The following MSH3 variants were observed in gnomAD, a reference collection of about 807,000 sequenced individuals.
The protein encoded by MSH3 is mutS homolog 3, also known as DNA mismatch repair protein Msh3.
MSH3 carries 106 observed loss-of-function variants against 123.3 expected under a neutral mutation model. That is an observed-to-expected ratio of 0.86 (90% CI 0.73 to 1.01). The LOEUF is 1.01. MSH3 is among the 50% of genes least tolerant of loss of function. The pLI is 0.00. For synonymous variants in MSH3, 515 were observed against 481.4 expected, an observed-to-expected ratio of 1.07 and a Z score of -0.91; for missense variants, 1,459 against 1,347.6, an observed-to-expected ratio of 1.08 and a Z score of -1.29.
chr5:80,715,798 C>CA (rs1259697421), intron 8 of MSH3, among the ~76,000 whole-genome samples: 1 of 152,072 alleles, frequency 6.6e-6, no homozygotes, highest in African/African-American at 2.4e-5. Context: ...AGAACTCACT[C>CA]ACTATCACAA....
chr5:80,786,782 G>T (rs540880551), intron 17 of MSH3, among the ~76,000 whole-genome samples: 1 of 152,014 alleles, frequency 6.6e-6, no homozygotes, highest in Non-Finnish European at 1.5e-5. Flanking sequence ...TATGATATGA[G>T]ATAATGGGAT....
rs1345998957 is a variant in MSH3, at chr5:80,851,887, G to GT, written c.2814-2237dup. On this transcript the variant is annotated intron_variant, in intron 20 of 23. Coordinates refer to ENST00000265081, the MANE Select transcript of MSH3 (RefSeq NM_002439.5). Reference sequence around the variant, plus strand: ...ATCTCACCTCTGTCATATACAAAATGTTTTTTATAAATATGTGTGTGTATC... The same window carrying GT: ...ATCTCACCTCTGTCATATACAAAATGTTTTTTTATAAATATGTGTGTGTATC... Among the ~76,000 whole-genome samples, 37 of 152,228 alleles carry GT rather than the reference G, an allele frequency of 2.4e-4. No individual in the cohort carries two copies. In the East Asian group the frequency reaches 3.9e-3, roughly 16 times the overall value.
At position 80,675,540 on chromosome 5, in the gene MSH3, A is replaced by G. The variant is rs556039655; in HGVS notation, c.1173+412A>G. On this transcript the variant is annotated intron_variant, in intron 7 of 23. Coordinates refer to ENST00000265081, the MANE Select transcript of MSH3 (RefSeq NM_002439.5). Reference sequence around the variant, plus strand: ...GAGAGTGAAGGGGGAAGTGCTACACACTTTTAAACAACCAGATATTGTGAG... The same window carrying G: ...GAGAGTGAAGGGGGAAGTGCTACACGCTTTTAAACAACCAGATATTGTGAG... 8.5e-5 allele frequency among the ~76,000 whole-genome samples: 13 copies of G among 152,274 alleles called. No individual in the cohort carries two copies. The East Asian group carries it at 2.5e-3, about 29-fold the overall frequency.
chr5:80,864,056 A>G (rs760419470), intron 21 of MSH3, among the ~76,000 whole-genome samples: 4 of 152,212 alleles, frequency 2.6e-5, no homozygotes, highest in Non-Finnish European at 5.9e-5. Context: ...TGGCAAGGAA[A>G]TATACTCCTT....
intron 10 of MSH3, among the ~76,000 whole-genome samples, chr5:80,732,709 A>T (rs1231377633): frequency 1.3e-5 from 2 of 152,178 alleles, no homozygotes; most frequent in Non-Finnish European, 2.9e-5. Flanking sequence ...TATTGGATTT[A>T]TTTCGGGTAT....
chr5:80,741,436 A>T, intron 10 of MSH3, 28 bp from the exon 11 acceptor site: 1 of 1,399,324 alleles, frequency 7.1e-7, no homozygotes, highest in Non-Finnish European at 1.0e-6. Context: ...ACTTACATCT[A>T]GGCTAATTAT....
At chr5:80,711,163 G>A (rs3776969) in intron 8 of MSH3, among the ~76,000 whole-genome samples, 18,086 of 152,196 alleles carry the variant, frequency 0.12, 1,517 homozygotes, top group East Asian at 0.33. Flanking sequence ...AATACCTCCT[G>A]TCTCTCTTAG....
At chr5:80,738,839 G>A (rs1341775861) in intron 10 of MSH3, among the ~76,000 whole-genome samples, 2 of 152,160 alleles carry the variant, frequency 1.3e-5, no homozygotes, top group Non-Finnish European at 2.9e-5. Flanking sequence ...AAGTGATTAG[G>A]TTATGAGGGC....
At chr5:80,720,090 T>C (rs1008916067) in intron 8 of MSH3, among the ~76,000 whole-genome samples, 2 of 152,242 alleles carry the variant, frequency 1.3e-5, no homozygotes, top group Non-Finnish European at 2.9e-5. Flanking sequence ...AATTCCTGGC[T>C]TACAGTTTAT....
At chr5:80,847,625 A>T (rs1013197959) in intron 20 of MSH3, among the ~76,000 whole-genome samples, 1 of 152,072 alleles carries the variant, frequency 6.6e-6, no homozygotes, top group Non-Finnish European at 1.5e-5. Context: ...GGCATTTAGA[A>T]TTTTTTAATC....
chr5:80,711,868 C>T (rs1056446934), intron 8 of MSH3, among the ~76,000 whole-genome samples: 12 of 151,916 alleles, frequency 7.9e-5, no homozygotes, highest in African/African-American at 1.7e-4. Flanking sequence ...GGGCCAGGCT[C>T]GTGTTGAACT....
intron 8 of MSH3, among the ~76,000 whole-genome samples, chr5:80,691,661 T>A (rs1750256233): frequency 6.7e-6 from 1 of 150,322 alleles, no homozygotes; most frequent in South Asian, 2.1e-4. Flanking sequence ...AAAAGATAGA[T>A]CAAAGGGCCA....
At position 80,806,168 on chromosome 5, in the gene MSH3, G is replaced by A. The variant is rs576297173; in HGVS notation, c.2656-7416G>A. On this transcript the variant is annotated intron_variant, in intron 19 of 23. Transcript: ENST00000265081. The stretch of plus-strand genomic sequence containing the variant: ...GGCTGGAGTGCAATGGCGCGATCTC[G>A]GCTCACAGCAACCTCCGCCTCCCAG... Among the ~76,000 whole-genome samples the A allele has an allele frequency of 8.9e-4, 135 of 152,096 alleles. 1 individual carries two copies. In the South Asian group the frequency reaches 0.016, roughly 19 times the overall value.
At chr5:80,814,170 C>T (rs542256771) in intron 20 of MSH3, among the ~76,000 whole-genome samples, 4 of 151,482 alleles carry the variant, frequency 2.6e-5, no homozygotes, top group African/African-American at 7.3e-5. Context: ...AAAAAACCCA[C>T]GTTATTTTTA....
At chr5:80,727,374 A>G (rs1743321947) in intron 9 of MSH3, among the ~76,000 whole-genome samples, 1 of 152,188 alleles carries the variant, frequency 6.6e-6, no homozygotes, top group Non-Finnish European at 1.5e-5. Context: ...TTAATAAGAT[A>G]TTTTACTGAT....
At chr5:80,703,472 C>T (rs1278619504) in intron 8 of MSH3, among the ~76,000 whole-genome samples, 2 of 152,120 alleles carry the variant, frequency 1.3e-5, no homozygotes, top group South Asian at 2.1e-4. Flanking sequence ...GCCTGGCCTG[C>T]AGGTTGATTG....
chr5:80,785,711 A>G (rs966004136), intron 17 of MSH3, among the ~76,000 whole-genome samples: 42 of 152,156 alleles, frequency 2.8e-4, no homozygotes, highest in Non-Finnish European at 6.0e-4. Flanking sequence ...TTGCGGCATT[A>G]TTCACAATAG....
In MSH3 at chr5:80,739,046, A is replaced by C. The variant is rs1158808986; in HGVS notation, c.1569-2418A>C. Among the ~76,000 whole-genome samples, 3 of 152,342 alleles carry C rather than the reference A, an allele frequency of 2.0e-5. No homozygotes were observed. In the South Asian group the frequency reaches 6.2e-4, roughly 32 times the overall value. ...CTCTGAGCAATAAACTTCTGTTTACAAACTGCCCATTCTGAGGTATTCTGT... is the reference window on the plus strand; with the variant it reads ...CTCTGAGCAATAAACTTCTGTTTACCAACTGCCCATTCTGAGGTATTCTGT... On this transcript the variant is annotated intron_variant, in intron 10 of 23. Transcript: ENST00000265081.
chr5:80,847,925 T>C (rs773966993), intron 20 of MSH3, among the ~76,000 whole-genome samples: 2 of 152,230 alleles, frequency 1.3e-5, no homozygotes, highest in Non-Finnish European at 2.9e-5. Context: ...TGAATTTATC[T>C]TCCAGGTTTA....
Sources: gnomAD v4.1 joint callset for allele counts (sites outside exome capture counted in the v4.1 genomes callset) on GRCh38, gnomAD v4.1.1 for gene constraint, MANE v1.5 for transcripts, NCBI Gene and HGNC (gene_info 2026-07-23, HGNC 2026-07-21) for gene names.